Variants in DOP1A observed in about 807,000 individuals in gnomAD.
DOP1A encodes protein DOP1A.
DOP1A carries 90 observed loss-of-function variants against 267.6 expected under a neutral mutation model. That is an observed-to-expected ratio of 0.34 (90% confidence interval 0.28 to 0.40). The LOEUF (loss-of-function observed/expected upper bound fraction) is 0.40. DOP1A is among the 10% of genes least tolerant of loss of function. DOP1A has a pLI of 1.00. For synonymous variants in DOP1A, 932 were observed against 999.1 expected, an observed-to-expected ratio of 0.93 and a Z score of 1.27; for missense variants, 2,437 against 2,900.4, an observed-to-expected ratio of 0.84 and a Z score of 3.67.
At chr6:83,101,869 G>C (rs1772648756) in intron 4 of DOP1A, among the ~76,000 whole-genome samples, 1 of 152,102 alleles carries the variant, frequency 6.6e-6, no homozygotes, top group Non-Finnish European at 1.5e-5. Context: ...CCTATTTTTT[G>C]TGTATGTGGC....
intron 15 of DOP1A, 100 bp downstream of exon 15, chr6:83,125,833 G>A: frequency 9.4e-7 from 1 of 1,059,726 alleles, no homozygotes; most frequent in South Asian, 1.7e-5. Context: ...TTAAATAATA[G>A]TGAGTCTTTC....
chr6:83,099,683 T>C (rs1018077046), intron 3 of DOP1A, among the ~76,000 whole-genome samples: 1 of 90,960 alleles, frequency 1.1e-5, no homozygotes, highest in African/African-American at 4.7e-5. Context: ...ATTGCATATG[T>C]GTGTGTGTGT....
At chr6:83,105,072 A>G (rs1163508071) in intron 4 of DOP1A, among the ~76,000 whole-genome samples, 2 of 152,094 alleles carry the variant, frequency 1.3e-5, no homozygotes, top group African/African-American at 2.4e-5. Context: ...ATATGTATGT[A>G]TGTATGTGTT....
At chr6:83,098,780 AT>A (rs1771970298) in intron 3 of DOP1A, among the ~76,000 whole-genome samples, 1 of 152,130 alleles carries the variant, frequency 6.6e-6, no homozygotes, top group African/African-American at 2.4e-5. Context: ...ACTTCATTGG[AT>A]AGGCATGATT....
At chr6:83,169,893 GA>G (rs1398492952), downstream of DOP1A, 63 of 422,206 alleles carry the variant, frequency 1.5e-4, no homozygotes, top group South Asian at 1.0e-3. Flanking sequence ...GAAATATTTT[GA>G]AAAACAAATC....
intron 19 of DOP1A, 97 bp downstream of exon 19, chr6:83,134,384 C>A: frequency 2.3e-6 from 2 of 861,580 alleles, no homozygotes; most frequent in Non-Finnish European, 3.3e-6. Context: ...TAGGAGATAG[C>A]AATTTACAAA....
chr6:83,119,860 A>G lies in DOP1A; in HGVS notation c.990+3A>G. 1 of 1,604,006 alleles carries G rather than the reference A, an allele frequency of 6.2e-7. No homozygotes were observed. Among genetic ancestry groups the G allele is most frequent in the Non-Finnish European group, 8.5e-7 (1 of 1,171,446 alleles). On this transcript the variant is annotated splice_donor_region_variant and intron_variant, in intron 9 of 38. Transcript: ENST00000349129. The stretch of plus-strand genomic sequence containing the variant: ...TTTCAAAAGAATTATTAGTCCAGGT[A>G]ATGAATACTTTTATTATTCTTTGGT...
chr6:83,110,406 A>T, intron 6 of DOP1A, 92 bp downstream of exon 6: 1 of 1,242,870 alleles, frequency 8.0e-7, no homozygotes, highest in East Asian at 2.6e-5. Context: ...ATAATGAACA[A>T]AGTTCCTATT....
At chr6:83,117,999 T>C (rs555656127) in intron 7 of DOP1A, among the ~76,000 whole-genome samples, 26 of 152,164 alleles carry the variant, frequency 1.7e-4, no homozygotes, top group African/African-American at 4.8e-5. Context: ...GGTCTGTGAT[T>C]AAGGAGAAGT....
intron 38 of DOP1A, chr6:83,165,910 C>A: frequency 2.5e-6 from 1 of 406,364 alleles, no homozygotes; most frequent in South Asian, 1.9e-5. Context: ...CACCTGGATT[C>A]AGAAAGCTGT....
chr6:83,138,275 A>G lies in DOP1A; in HGVS notation c.4233A>G (p.Ala1411=), dbSNP rs780684413. The G allele has an allele frequency of 2.5e-6, 4 of 1,613,092 alleles. No individual in the cohort carries two copies. In the Admixed American group the frequency reaches 5.0e-5, roughly 20 times the overall value. Residue 1411 remains alanine, a synonymous_variant, in exon 21 of 39, where the codon GCA becomes GCG. Coordinates refer to ENST00000349129, the MANE Select transcript of DOP1A (RefSeq NM_015018.4). ...TTTCAACTACTAGTGTAAATAATGC[A>G]TATACTCCTCAGTTGTCTCTCCTTC... ...NAISTTSVNN[A]YTPQLSLLQN...
In DOP1A at chr6:83,124,826, C is replaced by A. The variant is rs751751827; in HGVS notation, c.1455+7C>A. 1.3e-6 allele frequency: 2 copies of A among 1,596,554 alleles called. No individual in the cohort carries two copies. The highest frequency in any genetic ancestry group is 2.2e-5 in the East Asian group (1 of 44,668). ...GTTGGACATAGTTTCTTTGGTAAGA[C>A]CACCTTGGTAAGAAAATATCAAGGA... On this transcript the variant is annotated splice_region_variant and intron_variant, in intron 13 of 38. Coordinates refer to ENST00000349129, the MANE Select transcript of DOP1A (RefSeq NM_015018.4).
chr6:83,100,809 GAA>G lies in DOP1A; in HGVS notation c.244_245del (p.Lys82GlyfsTer3), dbSNP rs1290122858. On this transcript the variant is annotated frameshift_variant, in exon 4 of 39. Transcript: ENST00000349129. LOFTEE classifies it high-confidence loss of function. ...CAGCATTACCAGGTGGAGTTCATCG[GAA>G]GGCGCTTGAAACATATGAAATTATC... is the stretch of plus-strand genomic sequence containing the variant. ...HPALPGGVHR[K>X]ALETYEIIFK... The G allele has an allele frequency of 1.9e-6, 3 of 1,593,964 alleles. No individual in the cohort carries two copies. The highest frequency in any genetic ancestry group is 2.6e-6 in the Non-Finnish European group (3 of 1,168,572).
chr6:83,090,860 T>C (rs1177316004), intron 1 of DOP1A, among the ~76,000 whole-genome samples: 1 of 152,218 alleles, frequency 6.6e-6, no homozygotes, highest in Non-Finnish European at 1.5e-5. Flanking sequence ...TTTTCTGATA[T>C]ATAATGACAA....
At chr6:83,134,603 C>G in intron 19 of DOP1A, 1 of 199,408 alleles carries the variant, frequency 5.0e-6, no homozygotes. Flanking sequence ...TTTAGTGAAA[C>G]TGCATATAGA....
In DOP1A at chr6:83,137,556, A is replaced by T. The variant is rs1367618213; in HGVS notation, c.3514A>T (p.Thr1172Ser). Residue 1172 changes from threonine to serine, a missense_variant, in exon 21 of 39, where the codon ACA (threonine) becomes TCA (serine). Physicochemically the swap from Thr to Ser is moderately conservative, Grantham distance 58. This residue lies in a region of DOP1A where 878 missense variants were observed against 992.9 expected (regional missense o/e 0.88). Transcript: ENST00000349129. ...SGLEVESASV[T>S]SQLEIEAMPP... Reference sequence around the variant, plus strand: ...CCTCGAAGTGGAATCTGCATCAGTTACATCTCAATTAGAAATTGAAGCTAT... The same window carrying T: ...CCTCGAAGTGGAATCTGCATCAGTTTCATCTCAATTAGAAATTGAAGCTAT... The T allele has an allele frequency of 1.9e-6, 3 of 1,613,872 alleles. No homozygotes were observed. The highest frequency in any genetic ancestry group is 2.2e-5 in the South Asian group (2 of 91,076).
chr6:83,162,977 GTATT>G (rs1784584966), intron 38 of DOP1A, 58 bp downstream of exon 38: 1 of 1,526,988 alleles, frequency 6.5e-7, no homozygotes, highest in Non-Finnish European at 8.8e-7. Context: ...CATTAGTGAG[GTATT>G]TATTAAATAC....
chr6:83,167,531 A>C (rs969727382), intron 38 of DOP1A: 1 of 1,025,226 alleles, frequency 9.8e-7, no homozygotes, highest in Non-Finnish European at 1.2e-6. Flanking sequence ...AGGGTTCAGA[A>C]ACCTGGGAGC....
chr6:83,088,489 C>G (rs551048218), intron 1 of DOP1A, among the ~76,000 whole-genome samples: 28 of 138,842 alleles, frequency 2.0e-4, no homozygotes, highest in African/African-American at 7.2e-4. Context: ...GTGGCGCGAT[C>G]TCAGCTCACT....
Sources: allele counts gnomAD v4.1 joint callset (sites outside exome capture counted in the v4.1 genomes callset), GRCh38; gene constraint gnomAD v4.1.1; regional missense constraint gnomAD v4.1.1; transcripts MANE v1.5; gene names NCBI Gene and HGNC (gene_info 2026-07-23, HGNC 2026-07-21).